The following LRTM2 variants were observed in gnomAD, a reference collection of about 807,000 sequenced individuals.
The protein encoded by LRTM2 is leucine rich repeat transmembrane protein 2, also known as leucine-rich repeat and transmembrane domain-containing protein 2.
Under a neutral mutation model 28.1 loss-of-function variants are expected in LRTM2, and 18 were observed. That is an observed-to-expected ratio of 0.64 (90% confidence interval 0.44 to 0.95). The LOEUF (loss-of-function observed/expected upper bound fraction) is 0.95. LRTM2 is among the 40% of genes least tolerant of loss of function. The pLI, the probability that LRTM2 is intolerant of heterozygous loss-of-function variation, is 0.00. For synonymous variants in LRTM2, 250 were observed against 218.7 expected, an observed-to-expected ratio of 1.14 and a Z score of -1.26; for missense variants, 436 against 497.2, an observed-to-expected ratio of 0.88 and a Z score of 1.17.
In LRTM2 at chr12:1,834,186, G is replaced by A. The variant is rs959218811; in HGVS notation, c.659-81G>A. On this transcript the variant is annotated intron_variant, in intron 4 of 4. Transcript: ENST00000299194. The surrounding 1 kb of genome is among the most constrained non-coding windows in gnomAD (Gnocchi z 7.6). ...ATAAAAACTACCTTCTGGGGCTTCC[G>A]TTTTGGGGAGCTGGGGATGGGGAGA... 18 of 1,477,394 alleles carry A rather than the reference G, an allele frequency of 1.2e-5. No homozygotes were observed. Among genetic ancestry groups the A allele is most frequent in the Admixed American group, 2.4e-5 (1 of 42,328 alleles). The allele number at this position is 1,477,394 out of a possible 1,614,324, so 91.5% of individuals were successfully genotyped here.
intron 3 of LRTM2, 97 bp from the exon 4 acceptor site, chr12:1,830,838 G>A (rs1185799501): frequency 2.6e-5 from 27 of 1,027,878 alleles, no homozygotes; most frequent in African/African-American, 4.9e-5. Flanking sequence ...AGGAGATAAA[G>A]CCAAGAGCCT....
rs1310243710 is a variant in LRTM2, at chr12:1,834,570, T to C, written c.962T>C (p.Val321Ala). The change falls in exon 5 of 5, where the codon GTC (valine) becomes GCC (alanine). Residue 321 changes from valine (V) to alanine (A), a missense_variant. By Grantham distance (64) the Val-to-Ala change is moderately conservative (BLOSUM62 0). Transcript: ENST00000299194. This position sits in a 1 kb window ranked among gnomAD's most constrained non-coding sequence, Gnocchi z 7.6. ...VIIAGVVCGV[V>A]CIMMVVAAAY... is the part of the protein sequence containing the mutation. Reference sequence around the variant, plus strand: ...ATTGCAGGGGTCGTGTGCGGCGTCGTCTGCATCATGATGGTGGTGGCCGCT... The same window carrying C: ...ATTGCAGGGGTCGTGTGCGGCGTCGCCTGCATCATGATGGTGGTGGCCGCT... The C allele has an allele frequency of 6.2e-7, 1 of 1,601,472 alleles. No homozygotes were observed. Among genetic ancestry groups the C allele is most frequent in the South Asian group, 1.1e-5 (1 of 91,074 alleles).
chr12:1,828,250 G>C lies in LRTM2; in HGVS notation c.67+35G>C. 7 of 1,480,304 alleles carry C rather than the reference G, an allele frequency of 4.7e-6. No homozygotes were observed. The highest frequency in any genetic ancestry group is 6.4e-6 in the Non-Finnish European group (7 of 1,094,576). The allele number at this position is 1,480,304 out of a possible 1,614,324, so 91.7% of individuals were successfully genotyped here. On this transcript the variant is annotated intron_variant, in intron 3 of 4. Transcript: ENST00000299194. This position sits in a 1 kb window ranked among gnomAD's most constrained non-coding sequence, Gnocchi z 4.2. ...CCCCTGGCCTCGGAGGGGGGTGCGG[G>C]TTGGGTGGGGGTGCCGAGGTGACTG... is the stretch of plus-strand genomic sequence containing the variant.
At position 1,831,216 on chromosome 12, in the gene LRTM2, A is replaced by G. The variant is rs143277357; in HGVS notation, c.349A>G (p.Asn117Asp). The G allele has an allele frequency of 1.6e-4, 265 of 1,613,832 alleles. No individual in the cohort carries two copies. The highest frequency in any genetic ancestry group is 2.1e-4 in the Non-Finnish European group (247 of 1,180,010). ...LPRSIFGDLT[N>D]LTELQLRNNS... is the part of the protein sequence containing the mutation. ...CCGCTCCATTTTCGGGGACCTGACG[A>G]ATCTGACTGAGCTTCAGCTGCGCAA... Residue 117 changes from asparagine (N) to aspartate (D), a missense_variant, in exon 4 of 5, where the codon AAT becomes GAT. By Grantham distance (23) the Asn-to-Asp change is conservative. Coordinates refer to ENST00000299194, the MANE Select transcript of LRTM2 (RefSeq NM_001039029.3).
At chr12:1,823,652 C>G (rs1319357828) in intron 1 of LRTM2, among the ~76,000 whole-genome samples, 1 of 151,962 alleles carries the variant, frequency 6.6e-6, no homozygotes, top group East Asian at 1.9e-4. Context: ...TTCTAGAAAG[C>G]CCCCCACCTT....
rs1864516506 is a variant in LRTM2, at chr12:1,829,402, G to A, written c.67+1187G>A. Among the ~76,000 whole-genome samples the A allele has an allele frequency of 1.3e-5, 2 of 152,142 alleles. No individual in the cohort carries two copies. The highest frequency in any genetic ancestry group is 6.5e-5 in the Admixed American group (1 of 15,282). On this transcript the variant is annotated intron_variant, in intron 3 of 4. Transcript: ENST00000299194. This position sits in a 1 kb window ranked among gnomAD's most constrained non-coding sequence, Gnocchi z 4.2. ...CAGACGGGCTCAGAGGGGTGAGAGG[G>A]TGAGCGGAGACATGAGGTAACCCAA...
chr12:1,834,138 T>G lies in LRTM2; in HGVS notation c.659-129T>G. ...CCGCTTCCTCTTCTATAGATGGTGA[T>G]TCCAGGATTGACTACATTGCTGATA... On this transcript the variant is annotated intron_variant, in intron 4 of 4. Transcript: ENST00000299194. The surrounding 1 kb of genome is among the most constrained non-coding windows in gnomAD (Gnocchi z 7.6). 9.2e-7 allele frequency: 1 copy of G among 1,082,364 alleles called. No individual in the cohort carries two copies. Among genetic ancestry groups the G allele is most frequent in the Non-Finnish European group, 1.3e-6 (1 of 780,426 alleles). 67.0% of individuals were successfully genotyped at this position (1,082,364 alleles called of 1,614,324 possible).
chr12:1,834,635 C>G lies in LRTM2; in HGVS notation c.1027C>G (p.His343Asp). Reference protein sequence around the residue: ...CIYASLMAKYHRELKKRQPLM... With the variant: ...CIYASLMAKYDRELKKRQPLM... ...CTACGCCTCCCTCATGGCCAAGTACCACCGGGAGCTCAAAAAGCGCCAGCC... is the reference window on the plus strand; with the variant it reads ...CTACGCCTCCCTCATGGCCAAGTACGACCGGGAGCTCAAAAAGCGCCAGCC... The change falls in exon 5 of 5, where the codon CAC (histidine) becomes GAC (aspartate). Residue 343 changes from histidine to aspartate, a missense_variant. Coordinates refer to ENST00000299194, the MANE Select transcript of LRTM2 (RefSeq NM_001039029.3). This position sits in a 1 kb window ranked among gnomAD's most constrained non-coding sequence, Gnocchi z 7.6. 1 of 1,600,498 alleles carries G rather than the reference C, an allele frequency of 6.2e-7. No homozygotes were observed. The highest frequency in any genetic ancestry group is 8.5e-7 in the Non-Finnish European group (1 of 1,179,874).
Position 1,834,496 on chromosome 12 carries a change from G to A in LRTM2, c.888G>A (p.Lys296=), listed in dbSNP as rs1473739710. Residue 296 remains lysine (K), a synonymous_variant, in exon 5 of 5, where the codon AAG becomes AAA. Transcript: ENST00000299194. The surrounding 1 kb of genome is among the most constrained non-coding windows in gnomAD (Gnocchi z 7.6). ...AGCCCAGCACAGCCTGCCCACAGAA[G>A]CAGAGGCACCGGCCGGCGAGCGTGA... ...EPEPSTACPQ[K]QRHRPASVRR... 7 of 1,608,906 alleles carry A rather than the reference G, an allele frequency of 4.4e-6. No individual in the cohort carries two copies. The highest frequency in any genetic ancestry group is 5.9e-6 in the Non-Finnish European group (7 of 1,179,860).
rs1056293489 is a variant in LRTM2, at chr12:1,833,622, G to A, written c.659-645G>A. On this transcript the variant is annotated intron_variant, in intron 4 of 4. Transcript: ENST00000299194. The surrounding 1 kb of genome is among the most constrained non-coding windows in gnomAD (Gnocchi z 4.2). ...GGTTGGGGCACCGATGGGGCCATTG[G>A]ATTGCTCCTAAGGAGGAGAAGGAGA... Among the ~76,000 whole-genome samples the A allele has an allele frequency of 1.3e-5, 2 of 152,192 alleles. No homozygotes were observed. Among genetic ancestry groups the A allele is most frequent in the Non-Finnish European group, 2.9e-5 (2 of 68,030 alleles).
Position 1,820,729 on chromosome 12 carries a change from TGGATTTC to T in LRTM2, c.-343_-337del. 1 of 152,478 alleles carries T rather than the reference TGGATTTC, an allele frequency of 6.6e-6. No individual in the cohort carries two copies. The highest frequency in any genetic ancestry group is 1.9e-4 in the East Asian group (1 of 5,194). 9.4% of individuals were successfully genotyped at this position (152,478 alleles called of 1,614,324 possible). On this transcript the variant is annotated 5_prime_UTR_variant, in exon 1 of 5. Transcript: ENST00000299194. The surrounding 1 kb of genome is among the most constrained non-coding windows in gnomAD (Gnocchi z 6.0). Reference sequence around the variant, plus strand: ...CTGCGCTCTGCCTGCCGGTGGTGTCTGGATTTCTATAGGAATCCCAGGAGGGTCTTAC... The same window carrying T: ...CTGCGCTCTGCCTGCCGGTGGTGTCTTATAGGAATCCCAGGAGGGTCTTAC...
chr12:1,822,489 C>G (rs183771722), intron 1 of LRTM2, among the ~76,000 whole-genome samples: 1 of 146,510 alleles, frequency 6.8e-6, no homozygotes, highest in Admixed American at 6.7e-5. Context: ...ACCCTGAGCC[C>G]GGCCCCAGGG....
Position 1,834,758 on chromosome 12 carries a change from G to T in LRTM2, c.*37G>T. The T allele has an allele frequency of 6.5e-7, 1 of 1,548,472 alleles. No individual in the cohort carries two copies. ...CACCCGGCCAGGTAGGAAGGGCGGG[G>T]AGAGCACACGGCATTGCTCAGCCAC... is the stretch of plus-strand genomic sequence containing the variant. On this transcript the variant is annotated 3_prime_UTR_variant, in exon 5 of 5. Coordinates refer to ENST00000299194, the MANE Select transcript of LRTM2 (RefSeq NM_001039029.3). The surrounding 1 kb of genome is among the most constrained non-coding windows in gnomAD (Gnocchi z 7.6).
intron 1 of LRTM2, among the ~76,000 whole-genome samples, chr12:1,824,986 C>T (rs1027491205): frequency 2.0e-5 from 3 of 152,236 alleles, no homozygotes; most frequent in African/African-American, 7.2e-5. Context: ...TAAGAGAGCA[C>T]AGGGCATATC....
chr12:1,835,354 C>T lies in LRTM2; in HGVS notation c.*633C>T, dbSNP rs1186973705. 6.5e-6 allele frequency: 1 copy of T among 152,686 alleles called. No individual in the cohort carries two copies. Among genetic ancestry groups the T allele is most frequent in the Non-Finnish European group, 1.5e-5 (1 of 68,440 alleles). The allele number at this position is 152,686 out of a possible 1,614,324, so 9.5% of individuals were successfully genotyped here. A position where few individuals can be genotyped will look rare whatever the true frequency, so the allele number is the denominator to read the frequency against. ...TATAGGCCACACTGACCACATGCTCCTGGATTCGCTAATTCACTCACACAC... is the reference window on the plus strand; with the variant it reads ...TATAGGCCACACTGACCACATGCTCTTGGATTCGCTAATTCACTCACACAC... On this transcript the variant is annotated 3_prime_UTR_variant, in exon 5 of 5. Coordinates refer to ENST00000299194, the MANE Select transcript of LRTM2 (RefSeq NM_001039029.3).
At chr12:1,821,565 G>A (rs1181099181) in intron 1 of LRTM2, among the ~76,000 whole-genome samples, 1 of 152,116 alleles carries the variant, frequency 6.6e-6, no homozygotes, top group African/African-American at 2.4e-5. Context: ...GCACCCAGCC[G>A]TCCATCTGCA....
intron 1 of LRTM2, among the ~76,000 whole-genome samples, chr12:1,826,239 A>G (rs1049564674): frequency 6.6e-6 from 1 of 152,120 alleles, no homozygotes; most frequent in African/African-American, 2.4e-5. Context: ...TTCCATGGTG[A>G]TGGGCACTGG....
chr12:1,832,507 G>A (rs1190287254), intron 4 of LRTM2, among the ~76,000 whole-genome samples: 1 of 152,194 alleles, frequency 6.6e-6, no homozygotes. Flanking sequence ...TGTTTGCTGG[G>A]CTAAGGAATC....
rs1864074748 is a variant in LRTM2, at chr12:1,820,953, G to A, written c.-259+139G>A. On this transcript the variant is annotated intron_variant, in intron 1 of 4. Transcript: ENST00000299194. The surrounding 1 kb of genome is among the most constrained non-coding windows in gnomAD (Gnocchi z 6.0). ...CTTCCTACCTGCAGGCAATTGCTGG[G>A]GCCGAAGAAGCTGCTCGGGCTCAGG... is the stretch of plus-strand genomic sequence containing the variant. 6.6e-6 allele frequency: 1 copy of A among 152,308 alleles called. No individual in the cohort carries two copies. The highest frequency in any genetic ancestry group is 1.9e-4 in the East Asian group (1 of 5,192). The allele number at this position is 152,308 out of a possible 1,614,324, so 9.4% of individuals were successfully genotyped here.
Sources: allele counts gnomAD v4.1 joint callset (sites outside exome capture counted in the v4.1 genomes callset), GRCh38; gene constraint gnomAD v4.1.1; non-coding constraint Gnocchi (gnomAD v3.1); transcripts MANE v1.5; gene names NCBI Gene and HGNC (gene_info 2026-07-23, HGNC 2026-07-21).